The following GNRH2 variants were observed in gnomAD, a reference collection of about 807,000 sequenced individuals.
GNRH2 encodes gonadotropin releasing hormone 2, also known as progonadoliberin-2.
GNRH2 carries 15 observed loss-of-function variants against 12.1 expected under a neutral mutation model. The ratio of observed to expected loss-of-function variants is 1.24; its 90% CI spans 0.83 to 1.90. The LOEUF is 1.90. GNRH2 is among the 40% of genes most tolerant of loss of function. The pLI is 0.00. For missense variants in GNRH2, 143 were observed against 141.4 expected (o/e 1.01, Z -0.06); for synonymous variants, 60 against 62.0 (o/e 0.97, Z 0.15).
rs778150821 is a variant in GNRH2 at position 3,045,668 on chromosome 20, C to T, written c.292-18C>T. 2 of 1,606,028 alleles carry T rather than the reference C, an allele frequency of 1.2e-6. No individual in the cohort carries two copies. On this transcript the variant is annotated intron_variant, in intron 3 of 3. Transcript: ENST00000359100. ...AGACCAGTGTCCTGAGACATGACCG[C>T]CACCTCTCCCTCCGCAGACCGCAGC...
intron 3 of GNRH2, among the ~76,000 whole-genome samples, chr20:3,045,231 A>G (rs1029208950): frequency 6.6e-6 from 1 of 152,118 alleles, no homozygotes; most frequent in East Asian, 1.9e-4. Context: ...CAAACAGACA[A>G]CAGGGCCAAG....
chr20:3,044,554 C>T lies in GNRH2; in HGVS notation c.140C>T (p.Ala47Val), dbSNP rs144578841. The T allele has an allele frequency of 1.0e-4, 161 of 1,613,784 alleles. 1 individual carries two copies. The African/African-American group carries it at 1.7e-3, about 17-fold the overall frequency. ...ALSSAQDPQN[A>V]LRPPAGSPVQ... The stretch of plus-strand genomic sequence containing the variant: ...AGCTCAGCCCAGGATCCCCAGAATG[C>T]CCTTAGGCCCCCAGGTGGGTGTCTC... Residue 47 changes from alanine to valine, a missense_variant, in exon 2 of 4, where the codon GCC becomes GTC. Ala to Val is a moderately conservative substitution (Grantham distance 64, BLOSUM62 0). Coordinates refer to ENST00000359100, the MANE Select transcript of GNRH2 (RefSeq NM_178331.2).
At chr20:3,044,368 G>C in intron 1 of GNRH2, 40 bp from the exon 2 acceptor site, 1 of 1,563,982 alleles carries the variant, frequency 6.4e-7, no homozygotes, top group Non-Finnish European at 8.8e-7. Flanking sequence ...GGATGTGGGG[G>C]TGAGGTAAGT....
intron 1 of GNRH2, 124 bp downstream of exon 1, chr20:3,043,789 C>T (rs1174000737): frequency 6.5e-6 from 1 of 153,026 alleles, no homozygotes; most frequent in East Asian, 1.9e-4. Context: ...CAGAGAAGTC[C>T]CCTTTTCCTC....
rs748335284 is a variant in GNRH2 at position 3,045,667 on chromosome 20, G to A, written c.292-19G>A. ...GAGACCAGTGTCCTGAGACATGACC[G>A]CCACCTCTCCCTCCGCAGACCGCAG... On this transcript the variant is annotated intron_variant, in intron 3 of 3. Coordinates refer to ENST00000359100, the MANE Select transcript of GNRH2 (RefSeq NM_178331.2). The A allele has an allele frequency of 3.7e-6, 6 of 1,604,486 alleles. No individual in the cohort carries two copies. The Middle Eastern group carries it at 5.0e-4, about 133-fold the overall frequency.
chr20:3,044,933 A>T, intron 3 of GNRH2, 97 bp downstream of exon 3: 1 of 967,354 alleles, frequency 1.0e-6, no homozygotes, highest in Non-Finnish European at 1.6e-6. Flanking sequence ...GGGGAGAATG[A>T]AACACCACTG....
rs1198859456 is a variant in GNRH2, at chr20:3,044,518, A to G, written c.104A>G (p.Lys35Arg). Residue 35 changes from lysine (K) to arginine (R), a missense_variant, in exon 2 of 4, where the codon AAG becomes AGG. Coordinates refer to ENST00000359100, the MANE Select transcript of GNRH2 (RefSeq NM_178331.2). ...TCCCATGGCTGGTACCCTGGAGGAAAGCGAGCCCTCAGCTCAGCCCAGGAT... is the reference window on the plus strand; with the variant it reads ...TCCCATGGCTGGTACCCTGGAGGAAGGCGAGCCCTCAGCTCAGCCCAGGAT... ...HWSHGWYPGG[K>R]RALSSAQDPQ... 5.6e-6 allele frequency: 9 copies of G among 1,613,812 alleles called. No individual in the cohort carries two copies. The highest frequency in any genetic ancestry group is 7.6e-6 in the Non-Finnish European group (9 of 1,179,982).
chr20:3,045,629 G>C, intron 3 of GNRH2, 57 bp from the exon 4 acceptor site: 3 of 1,437,804 alleles, frequency 2.1e-6, no homozygotes, highest in Non-Finnish European at 2.9e-6. Context: ...GAAGATGGCA[G>C]CTCGGCGGTT....
In GNRH2 at chr20:3,045,671, C is replaced by T; in HGVS notation, c.292-15C>T. The T allele has an allele frequency of 6.2e-7, 1 of 1,607,526 alleles. No individual in the cohort carries two copies. The highest frequency in any genetic ancestry group is 1.1e-5 in the South Asian group (1 of 90,796). ...CCAGTGTCCTGAGACATGACCGCCA[C>T]CTCTCCCTCCGCAGACCGCAGCCCG... On this transcript the variant is annotated splice_polypyrimidine_tract_variant and intron_variant, in intron 3 of 3. Transcript: ENST00000359100.
intron 1 of GNRH2, 49 bp from the exon 2 acceptor site, chr20:3,044,359 G>T (rs2065962921): frequency 3.3e-6 from 5 of 1,515,428 alleles, no homozygotes; most frequent in East Asian, 4.5e-5. Context: ...GAAGTAGGGG[G>T]ATGTGGGGGT....
At chr20:3,045,603 G>A in intron 3 of GNRH2, 83 bp from the exon 4 acceptor site, 1 of 1,191,676 alleles carries the variant, frequency 8.4e-7, no homozygotes, top group Admixed American at 1.7e-5. Context: ...GGGGGGACGA[G>A]AGGGGAGAGA....
At chr20:3,044,279 A>T in intron 1 of GNRH2, 129 bp from the exon 2 acceptor site, 1 of 692,570 alleles carries the variant, frequency 1.4e-6, no homozygotes, top group East Asian at 2.5e-5. Flanking sequence ...GAGCGGTGGC[A>T]GAGAGGGAAG....
Position 3,045,679 on chromosome 20 carries a change from T to G in GNRH2, c.292-7T>G. 6.2e-7 allele frequency: 1 copy of G among 1,610,202 alleles called. No homozygotes were observed. Among genetic ancestry groups the G allele is most frequent in the East Asian group, 2.2e-5 (1 of 44,726 alleles). On this transcript the variant is annotated splice_polypyrimidine_tract_variant and splice_region_variant and intron_variant, in intron 3 of 3. Coordinates refer to ENST00000359100, the MANE Select transcript of GNRH2 (RefSeq NM_178331.2). ...CTGAGACATGACCGCCACCTCTCCC[T>G]CCGCAGACCGCAGCCCGAGAGCCCC...
rs1325467343 is a variant in GNRH2, at chr20:3,044,686, C to T, written c.155-14C>T. The T allele has an allele frequency of 6.2e-7, 1 of 1,608,988 alleles. No homozygotes were observed. On this transcript the variant is annotated splice_polypyrimidine_tract_variant and intron_variant, in intron 2 of 3. Coordinates refer to ENST00000359100, the MANE Select transcript of GNRH2 (RefSeq NM_178331.2). Reference sequence around the variant, plus strand: ...CATCAGTTCCCTTCTAAGGAAGGGCCCTGGACACTGCAGCAGGCAGCCCAG... The same window carrying T: ...CATCAGTTCCCTTCTAAGGAAGGGCTCTGGACACTGCAGCAGGCAGCCCAG...
In GNRH2 at chr20:3,045,700, G is replaced by GCCCCCCCCC; in HGVS notation, c.310_311insCCCCCCCCC (p.Pro103_Arg104insProProPro). The stretch of plus-strand genomic sequence containing the variant: ...TCCCTCCGCAGACCGCAGCCCGAGA[G>GCCCCCCCCC]CCCCGCCCCGCCCCGCCATCCTCCA... On this transcript the variant is annotated inframe_insertion, in exon 4 of 4. Transcript: ENST00000359100. 3.0e-5 allele frequency: 46 copies of GCCCCCCCCC among 1,541,458 alleles called. 1 individual carries two copies. Among genetic ancestry groups the GCCCCCCCCC allele is most frequent in the Non-Finnish European group, 3.5e-5 (40 of 1,136,456 alleles).
At chr20:3,043,765 C>T (rs915447076) in intron 1 of GNRH2, 100 bp downstream of exon 1, 1 of 153,000 alleles carries the variant, frequency 6.5e-6, no homozygotes, top group Non-Finnish European at 1.5e-5. Flanking sequence ...GGTGCCTCCA[C>T]CCCTGAACCA....
intron 2 of GNRH2, 44 bp from the exon 3 acceptor site, chr20:3,044,656 G>A (rs2065969063): frequency 6.2e-7 from 1 of 1,605,682 alleles, no homozygotes; most frequent in Non-Finnish European, 8.5e-7. Flanking sequence ...GGGTAGGGAG[G>A]ACAGCATCAG....
Position 3,045,705 on chromosome 20 carries a change from G to A in GNRH2, c.311G>A (p.Arg104His). 1 of 1,563,936 alleles carries A rather than the reference G, an allele frequency of 6.4e-7. No homozygotes were observed. The highest frequency in any genetic ancestry group is 1.3e-5 in the African/African-American group (1 of 74,540). ...RTLLTAAREP[R>H]PAPPSSNKV ...CCGCAGACCGCAGCCCGAGAGCCCCGCCCCGCCCCGCCATCCTCCAATAAA... is the reference window on the plus strand; with the variant it reads ...CCGCAGACCGCAGCCCGAGAGCCCCACCCCGCCCCGCCATCCTCCAATAAA... Residue 104 changes from arginine (R) to histidine (H), a missense_variant, in exon 4 of 4, where the codon CGC becomes CAC. By Grantham distance (29) the Arg-to-His change is conservative (BLOSUM62 0). Coordinates refer to ENST00000359100, the MANE Select transcript of GNRH2 (RefSeq NM_178331.2).
intron 2 of GNRH2, 32 bp from the exon 3 acceptor site, chr20:3,044,668 T>C: frequency 6.2e-7 from 1 of 1,604,620 alleles, no homozygotes; most frequent in Non-Finnish European, 8.5e-7. Context: ...CAGCATCAGT[T>C]CCCTTCTAAG....
Sources: allele counts gnomAD v4.1 joint callset (sites outside exome capture counted in the v4.1 genomes callset), GRCh38; gene constraint gnomAD v4.1.1; transcripts MANE v1.5; gene names NCBI Gene and HGNC (gene_info 2026-07-23, HGNC 2026-07-21).